Variants in UTY observed in about 807,000 individuals in gnomAD.
The protein encoded by UTY is histone demethylase UTY.
Under a neutral mutation model 32.5 loss-of-function variants are expected in UTY, and 12 were observed. The observed-to-expected ratio is 0.37, with a 90% CI of 0.24 to 0.60. UTY has a LOEUF of 0.60. Ranked by LOEUF, UTY falls within the 20% of genes least tolerant of loss-of-function variation. The probability of loss-of-function intolerance (pLI) is 0.69; values close to 1 mark genes in which losing one functional copy is unlikely to be tolerated. For missense variants in UTY, 303 were observed against 299.2 expected (o/e 1.01, Z -0.09); for synonymous variants, 131 against 103.4 (o/e 1.27, Z -1.62).
chrY:13,357,356 G>C, intron 15 of UTY, among the ~76,000 whole-genome samples: 1 of 32,238 alleles, frequency 3.1e-5, no homozygotes, highest in Non-Finnish European at 7.6e-5. Context: ...TTCAAGACCA[G>C]CCTGACCAAC....
At chrY:13,316,005 G>C in intron 21 of UTY, among the ~76,000 whole-genome samples, 1 of 33,157 alleles carries the variant, frequency 3.0e-5, no homozygotes, top group Admixed American at 2.7e-4. Context: ...ATGTCGACAG[G>C]ACCTCCTGAG....
chrY:13,301,192 G>A, intron 25 of UTY, among the ~76,000 whole-genome samples: 1 of 32,382 alleles, frequency 3.1e-5, no homozygotes, highest in Non-Finnish European at 7.5e-5. Flanking sequence ...TGCCCAGCCC[G>A]TTTCCCATAA....
At chrY:13,290,043 A>G (rs2057672940) in intron 27 of UTY, among the ~76,000 whole-genome samples, 1 of 33,027 alleles carries the variant, frequency 3.0e-5, no homozygotes, top group Non-Finnish European at 7.4e-5. Flanking sequence ...TACTAACAGG[A>G]AAGTTTATGA....
At chrY:13,437,789 A>G (rs926947048) in intron 4 of UTY, among the ~76,000 whole-genome samples, 1 of 33,520 alleles carries the variant, frequency 3.0e-5, no homozygotes, top group Non-Finnish European at 7.4e-5. Context: ...TCTGACCCAC[A>G]GGCAGCTGAT....
intron 4 of UTY, among the ~76,000 whole-genome samples, chrY:13,445,264 T>C (rs2150017846): frequency 4.7e-5 from 1 of 21,294 alleles, no homozygotes; most frequent in African/African-American, 1.8e-4. Flanking sequence ...TATATATATA[T>C]ATATATATAT....
At chrY:13,276,352 A>C in intron 27 of UTY, among the ~76,000 whole-genome samples, 7 of 34,084 alleles carry the variant, frequency 2.1e-4, no homozygotes, top group African/African-American at 4.6e-4. Flanking sequence ...CATTATGCCC[A>C]AAAACCCCAA....
At chrY:13,279,315 C>G in intron 27 of UTY, among the ~76,000 whole-genome samples, 2 of 33,499 alleles carry the variant, frequency 6.0e-5, no homozygotes, top group Non-Finnish European at 1.5e-4. Context: ...ATGGCATGAC[C>G]TTGACTCACT....
chrY:13,366,852 T>C (rs2064224580), intron 9 of UTY, among the ~76,000 whole-genome samples: 2 of 34,859 alleles, frequency 5.7e-5, no homozygotes. Flanking sequence ...CTTCTGCTGC[T>C]GTTGTTGAGA....
intron 5 of UTY, among the ~76,000 whole-genome samples, chrY:13,413,001 G>A: frequency 6.0e-5 from 2 of 33,200 alleles, no homozygotes; most frequent in Non-Finnish European, 7.4e-5. Context: ...TACAGGTAGA[G>A]TCTGTGACCC....
intron 3 of UTY, among the ~76,000 whole-genome samples, chrY:13,454,371 G>C (rs2076601713): frequency 3.0e-5 from 1 of 33,248 alleles, no homozygotes; most frequent in East Asian, 7.7e-4. Flanking sequence ...ACAGTAAACT[G>C]TGGCATACAC....
intron 6 of UTY, among the ~76,000 whole-genome samples, chrY:13,404,374 G>C: frequency 3.2e-5 from 1 of 31,506 alleles, no homozygotes; most frequent in Non-Finnish European, 7.8e-5. Flanking sequence ...AAAACATGAA[G>C]GAGATAATAT....
At chrY:13,297,514 G>A in intron 27 of UTY, 193 bp downstream of exon 27, 1 of 279,225 alleles carries the variant, frequency 3.6e-6, no homozygotes. Flanking sequence ...ATCTGTAAGG[G>A]AAGGCAATAT....
At chrY:13,418,469 C>A in intron 4 of UTY, among the ~76,000 whole-genome samples, 8 of 32,695 alleles carry the variant, frequency 2.4e-4, no homozygotes, top group African/African-American at 7.2e-4. Context: ...GTTCTAGATC[C>A]CTGAGGAATT....
At chrY:13,301,132 C>A (rs995786208) in intron 25 of UTY, among the ~76,000 whole-genome samples, 1 of 32,626 alleles carries the variant, frequency 3.1e-5, no homozygotes, top group Non-Finnish European at 7.5e-5. Flanking sequence ...CTCAAATGAT[C>A]AGCCCTCCTC....
intron 17 of UTY, among the ~76,000 whole-genome samples, chrY:13,351,427 C>G: frequency 6.0e-5 from 2 of 33,265 alleles, no homozygotes; most frequent in Non-Finnish European, 1.5e-4. Flanking sequence ...TATCTGTACA[C>G]TAGCTTTAAC....
chrY:13,417,746 G>A, intron 4 of UTY, among the ~76,000 whole-genome samples: 1 of 33,885 alleles, frequency 3.0e-5, no homozygotes, highest in African/African-American at 1.2e-4. Flanking sequence ...CTATGCACCT[G>A]CACTTGGACT....
At chrY:13,456,943 G>A in intron 3 of UTY, among the ~76,000 whole-genome samples, 1 of 33,052 alleles carries the variant, frequency 3.0e-5, no homozygotes, top group African/African-American at 1.2e-4. Context: ...CCCCTTAGAA[G>A]TGTTCTAACA....
chrY:13,340,875 C>T, intron 17 of UTY, among the ~76,000 whole-genome samples: 3 of 33,386 alleles, frequency 9.0e-5, no homozygotes, highest in African/African-American at 3.5e-4. Context: ...ACAATGCGAC[C>T]GCAGGCACAG....
Position 13,320,169 on chromosome Y carries a change from A to G in UTY, c.3276+3386T>C, listed in dbSNP as rs757326853. Among the ~76,000 whole-genome samples, 7 of 33,141 alleles carry G rather than the reference A, an allele frequency of 2.1e-4. No individual in the cohort carries two copies. The East Asian group carries it at 5.5e-3, about 26-fold the overall frequency. 88.9% of individuals were successfully genotyped at this position (33,141 alleles called of 37,273 possible). On this transcript the variant is annotated intron_variant, in intron 21 of 29. Transcript: ENST00000545955. ...TGGTGCTTGGCTTTCTTGGGGCTGC[A>G]TTTGTTATGGTGTTCCAAAATTATG... is the stretch of plus-strand genomic sequence containing the variant.
Sources: gnomAD v4.1 joint callset for allele counts (sites outside exome capture counted in the v4.1 genomes callset) on GRCh38, gnomAD v4.1.1 for gene constraint, MANE v1.5 for transcripts, NCBI Gene and HGNC (gene_info 2026-07-23, HGNC 2026-07-21) for gene names.